The following ZGRF1 variants were observed in gnomAD, a reference collection of about 807,000 sequenced individuals.
The protein encoded by ZGRF1 is zinc finger GRF-type containing 1, also known as 5'-3' DNA helicase ZGRF1.
In ZGRF1, 196 loss-of-function variants were observed where a neutral mutation model predicts 203.5. The ratio of observed to expected loss-of-function variants is 0.96; its 90% CI spans 0.86 to 1.08. The LOEUF (loss-of-function observed/expected upper bound fraction) is 1.08. ZGRF1 is among the 50% of genes least tolerant of loss of function. The pLI is 0.00. For missense variants in ZGRF1, 2,326 were observed against 2,416.3 expected, an observed-to-expected ratio of 0.96 and a Z score of 0.78; for synonymous variants, 809 against 841.3, an observed-to-expected ratio of 0.96 and a Z score of 0.66.
At chr4:112,629,186 GATATGA>G (rs2047329719) in intron 3 of ZGRF1, among the ~76,000 whole-genome samples, 1 of 152,192 alleles carries the variant, frequency 6.6e-6, no homozygotes, top group Admixed American at 6.5e-5. Flanking sequence ...TCAGTTCATT[GATATGA>G]TAACTCCAGT....
chr4:112,554,075 T>G, intron 21 of ZGRF1, 93 bp from the exon 22 acceptor site: 1 of 1,174,796 alleles, frequency 8.5e-7, no homozygotes, highest in Non-Finnish European at 1.2e-6. Context: ...TATTATACTT[T>G]AAGTTTTAGG....
chr4:112,629,057 C>T (rs1292888864), intron 3 of ZGRF1, among the ~76,000 whole-genome samples: 1 of 152,118 alleles, frequency 6.6e-6, no homozygotes, highest in East Asian at 1.9e-4. Flanking sequence ...ACTTGGAGAT[C>T]CTGTTGTTAC....
At chr4:112,576,185 C>T (rs1282478005) in intron 16 of ZGRF1, among the ~76,000 whole-genome samples, 1 of 152,202 alleles carries the variant, frequency 6.6e-6, no homozygotes, top group Non-Finnish European at 1.5e-5. Context: ...AGTGGACCTC[C>T]AGCAAACTCC....
chr4:112,622,192 C>A (rs1578477454), intron 4 of ZGRF1, among the ~76,000 whole-genome samples: 1 of 151,962 alleles, frequency 6.6e-6, no homozygotes, highest in East Asian at 1.9e-4. Context: ...TCAACATCGT[C>A]ATCATCATAG....
intron 16 of ZGRF1, among the ~76,000 whole-genome samples, chr4:112,575,447 T>C (rs926983675): frequency 7.9e-5 from 12 of 152,050 alleles, no homozygotes; most frequent in African/African-American, 2.9e-4. Context: ...GTGGGTGCAG[T>C]GCACCGAGCA....
intron 24 of ZGRF1, among the ~76,000 whole-genome samples, chr4:112,543,768 C>T (rs559214518): frequency 3.4e-4 from 52 of 152,190 alleles, no homozygotes; most frequent in Non-Finnish European, 5.6e-4. Flanking sequence ...ACTATTTCCA[C>T]GTTTTTTGGT....
chr4:112,579,485 C>G (rs1454819531), intron 16 of ZGRF1, among the ~76,000 whole-genome samples: 1 of 122,108 alleles, frequency 8.2e-6, no homozygotes, highest in Non-Finnish European at 1.8e-5. Flanking sequence ...TTAAATTGTC[C>G]CTGTTTGCAG....
chr4:112,617,469 T>C lies in ZGRF1; in HGVS notation c.2573A>G (p.Gln858Arg). The change falls in exon 6 of 28, where the codon CAG becomes CGG. Residue 858 changes from glutamine (Q) to arginine (R), a missense_variant. By Grantham distance (43) the Gln-to-Arg change is conservative. Coordinates refer to ENST00000505019, the MANE Select transcript of ZGRF1 (RefSeq NM_018392.5). ...AGGAGGGCTATCTGGCTCATACGTC[T>C]GTTGAGTTCCTTGCTGAAAGACAGT... is the stretch of plus-strand genomic sequence containing the variant. ...KNTVFQQGTQ[Q>R]TYEPDSPPEV... 6.4e-7 allele frequency: 1 copy of C among 1,572,732 alleles called. No individual in the cohort carries two copies. Among genetic ancestry groups the C allele is most frequent in the Non-Finnish European group, 8.6e-7 (1 of 1,163,806 alleles).
In ZGRF1 at chr4:112,587,661, T is replaced by G. The variant is rs1421079427; in HGVS notation, c.3396A>C (p.Pro1132=). The change falls in exon 12 of 28, where the codon CCA becomes CCC. Residue 1132 remains proline, a synonymous_variant. Coordinates refer to ENST00000505019, the MANE Select transcript of ZGRF1 (RefSeq NM_018392.5). Reference sequence around the variant, plus strand: ...ATATATTATTAAGTGAAACATCCCCTGGATTCACTTCCCTAGATTCTTCAG... The same window carrying G: ...ATATATTATTAAGTGAAACATCCCCGGGATTCACTTCCCTAGATTCTTCAG... ...FFSEESREVN[P]GDVSLNNIST... is the part of the protein sequence containing the mutation. 1.2e-6 allele frequency: 2 copies of G among 1,613,594 alleles called. No individual in the cohort carries two copies. Among genetic ancestry groups the G allele is most frequent in the Non-Finnish European group, 1.7e-6 (2 of 1,179,784 alleles).
intron 8 of ZGRF1, among the ~76,000 whole-genome samples, 193 bp downstream of exon 8, chr4:112,609,186 C>G (rs899344191): frequency 6.6e-6 from 1 of 151,482 alleles, no homozygotes; most frequent in Non-Finnish European, 1.5e-5. Context: ...CCCGAGTAGC[C>G]GGGACTACAG....
intron 16 of ZGRF1, among the ~76,000 whole-genome samples, chr4:112,570,586 A>AACAT (rs946838224): frequency 6.6e-6 from 1 of 152,154 alleles, no homozygotes; most frequent in Non-Finnish European, 1.5e-5. Context: ...CTCTGTCTCA[A>AACAT]ACATACATAC....
At chr4:112,633,027 C>T (rs1376731147) in intron 2 of ZGRF1, 129 bp downstream of exon 2, 2 of 789,624 alleles carry the variant, frequency 2.5e-6, no homozygotes. Context: ...TCAAATTTAA[C>T]TGAGTAGCCT....
intron 16 of ZGRF1, among the ~76,000 whole-genome samples, chr4:112,581,161 A>C (rs919326005): frequency 6.6e-6 from 1 of 151,788 alleles, no homozygotes; most frequent in African/African-American, 2.4e-5. Context: ...CATCATTCTC[A>C]GCAAACTATC....
intron 6 of ZGRF1, among the ~76,000 whole-genome samples, chr4:112,614,672 C>A (rs988967166): frequency 2.0e-5 from 3 of 151,944 alleles, no homozygotes; most frequent in Admixed American, 6.6e-5. Flanking sequence ...TAAAAAAAAA[C>A]AAAAATTAGT....
intron 10 of ZGRF1, among the ~76,000 whole-genome samples, chr4:112,590,916 C>A (rs1748060869): frequency 7.0e-6 from 1 of 142,568 alleles, no homozygotes; most frequent in Non-Finnish European, 1.5e-5. Context: ...CAGAGCAAGA[C>A]TCCTTCTCAA....
At chr4:112,597,980 G>T (rs146085214) in intron 10 of ZGRF1, among the ~76,000 whole-genome samples, 3 of 150,566 alleles carry the variant, frequency 2.0e-5, no homozygotes, top group Admixed American at 6.6e-5. Flanking sequence ...AATCAAGTAT[G>T]AAAGCAAAAA....
intron 11 of ZGRF1, 76 bp from the exon 12 acceptor site, chr4:112,588,005 T>G: frequency 1.9e-6 from 2 of 1,068,106 alleles, no homozygotes; most frequent in Non-Finnish European, 2.6e-6. Context: ...ACAGTGGGTA[T>G]ACAAAAGCAA....
At chr4:112,609,450 T>A in intron 7 of ZGRF1, 21 bp from the exon 8 acceptor site, 1 of 1,358,418 alleles carries the variant, frequency 7.4e-7, no homozygotes, top group Non-Finnish European at 1.0e-6. Context: ...GAATATTAAT[T>A]TTAGATAAAC....
intron 10 of ZGRF1, among the ~76,000 whole-genome samples, chr4:112,599,994 A>C (rs1749679635): frequency 6.6e-6 from 1 of 152,178 alleles, no homozygotes; most frequent in African/African-American, 2.4e-5. Context: ...AAATTAATAA[A>C]GCTTGTACAA....
Sources: gnomAD v4.1 joint callset for allele counts (sites outside exome capture counted in the v4.1 genomes callset) on GRCh38, gnomAD v4.1.1 for gene constraint, MANE v1.5 for transcripts, NCBI Gene and HGNC (gene_info 2026-07-23, HGNC 2026-07-21) for gene names.